OXR1: variants seen among roughly 807,000 people sequenced by gnomAD.
The protein encoded by OXR1 is oxidation resistance 1, also known as oxidation resistance protein 1.
OXR1 carries 41 observed loss-of-function variants against 104.6 expected under a neutral mutation model. The observed-to-expected ratio is 0.39, with a 90% CI of 0.31 to 0.51. The LOEUF is 0.51. Among genes scored for constraint, OXR1 ranks in the 20% least tolerant of loss-of-function variants. The pLI is 0.77. For missense variants in OXR1, 955 were observed against 1,031.9 expected (o/e 0.93, Z 1.02); for synonymous variants, 348 against 348.4 (o/e 1.00, Z 0.01).
chr8:106,427,327 C>T (rs1192948575), intron 2 of OXR1, among the ~76,000 whole-genome samples: 4 of 151,936 alleles, frequency 2.6e-5, no homozygotes, highest in Admixed American at 6.6e-5. Context: ...CCACCACGTC[C>T]GGCAAATTTT....
At chr8:106,536,092 C>T (rs1814500100) in intron 3 of OXR1, among the ~76,000 whole-genome samples, 2 of 151,700 alleles carry the variant, frequency 1.3e-5, no homozygotes, top group Admixed American at 6.6e-5. Context: ...TGGTGGCGGG[C>T]GCCTGTAGTC....
intron 1 of OXR1, among the ~76,000 whole-genome samples, chr8:106,356,070 T>C (rs1815955878): frequency 6.6e-6 from 1 of 152,196 alleles, no homozygotes; most frequent in Non-Finnish European, 1.5e-5. Flanking sequence ...CTAGAGGACA[T>C]TGAGTGAGGG....
chr8:106,396,298 C>A (rs1034495354), intron 2 of OXR1, among the ~76,000 whole-genome samples: 1 of 151,964 alleles, frequency 6.6e-6, no homozygotes, highest in African/African-American at 2.4e-5. Flanking sequence ...AGTAGAGAAA[C>A]CTGACACACA....
intron 2 of OXR1, among the ~76,000 whole-genome samples, chr8:106,502,730 T>C (rs910738633): frequency 8.5e-5 from 13 of 152,242 alleles, no homozygotes; most frequent in African/African-American, 3.1e-4. Context: ...CCATCTCATT[T>C]CAGCTCAATG....
chr8:106,718,305 A>G (rs1170599620), intron 11 of OXR1, among the ~76,000 whole-genome samples: 3 of 152,192 alleles, frequency 2.0e-5, no homozygotes, highest in Admixed American at 6.5e-5. Context: ...AAAAATTTTA[A>G]TTTCCAAATA....
At chr8:106,292,283 G>T (rs1812786807) in intron 1 of OXR1, among the ~76,000 whole-genome samples, 1 of 152,176 alleles carries the variant, frequency 6.6e-6, no homozygotes, top group South Asian at 2.1e-4. Flanking sequence ...AAGTGAAAAG[G>T]TGAAAGTTCT....
chr8:106,362,551 A>T (rs1359730210), intron 2 of OXR1, among the ~76,000 whole-genome samples: 1 of 152,180 alleles, frequency 6.6e-6, no homozygotes, highest in Non-Finnish European at 1.5e-5. Flanking sequence ...AAATCTAAGA[A>T]ATATATTTAA....
chr8:106,569,972 A>T (rs1817357566), intron 3 of OXR1, among the ~76,000 whole-genome samples: 1 of 152,192 alleles, frequency 6.6e-6, no homozygotes, highest in Non-Finnish European at 1.5e-5. Context: ...TAACCAGAAC[A>T]TACAGCATCT....
intron 2 of OXR1, among the ~76,000 whole-genome samples, chr8:106,446,844 A>T (rs539903825): frequency 6.6e-6 from 1 of 152,132 alleles, no homozygotes; most frequent in Non-Finnish European, 1.5e-5. Flanking sequence ...AAACAGGAAG[A>T]TCACTTGAGA....
intron 2 of OXR1, among the ~76,000 whole-genome samples, chr8:106,458,419 G>A (rs1249970797): frequency 3.3e-5 from 5 of 152,178 alleles, no homozygotes; most frequent in Non-Finnish European, 7.3e-5. Context: ...CTACAGACAT[G>A]CAGATTACAA....
At chr8:106,370,630 G>A (rs1364144023) in intron 2 of OXR1, among the ~76,000 whole-genome samples, 2 of 152,060 alleles carry the variant, frequency 1.3e-5, no homozygotes, top group Non-Finnish European at 2.9e-5. Context: ...TTTATCATAG[G>A]CATTTTCTAC....
chr8:106,381,610 C>T (rs1817152230), intron 2 of OXR1, among the ~76,000 whole-genome samples: 1 of 152,068 alleles, frequency 6.6e-6, no homozygotes, highest in Admixed American at 6.6e-5. Context: ...ACAGGTTATA[C>T]CTTTACTGTT....
chr8:106,579,100 T>G, intron 3 of OXR1, among the ~76,000 whole-genome samples: 1 of 151,920 alleles, frequency 6.6e-6, no homozygotes, highest in Admixed American at 6.6e-5. Context: ...CTTTTTTGCC[T>G]TTCTCTAGCT....
chr8:106,398,041 G>A (rs1209108125), intron 2 of OXR1, among the ~76,000 whole-genome samples: 1 of 151,936 alleles, frequency 6.6e-6, no homozygotes, highest in Non-Finnish European at 1.5e-5. Context: ...CCTTCACATG[G>A]CCTTCTCTGT....
At position 106,327,819 on chromosome 8, in the gene OXR1, A is replaced by C. The variant is rs190885404; in HGVS notation, c.-138-31657A>C. On this transcript the variant is annotated intron_variant, in intron 1 of 16. Transcript: ENST00000517566. The stretch of plus-strand genomic sequence containing the variant: ...TTCAAGTTAATCTATCGATAAGCAA[A>C]GTATAAATTTACTTCACCATATAAT... Among the ~76,000 whole-genome samples the C allele has an allele frequency of 2.0e-3, 309 of 152,366 alleles. 1 individual carries two copies. Among genetic ancestry groups the C allele is most frequent in the Non-Finnish European group, 3.1e-3 (211 of 68,038 alleles).
chr8:106,745,670 GTGT>G (rs1835332431), intron 15 of OXR1, 116 bp from the exon 16 acceptor site: 8 of 502,492 alleles, frequency 1.6e-5, no homozygotes, highest in Non-Finnish European at 2.8e-5. Flanking sequence ...GCTTTTTGTG[GTGT>G]TCTTATTCTT....
At chr8:106,341,185 A>G (rs970568631) in intron 1 of OXR1, among the ~76,000 whole-genome samples, 12 of 152,072 alleles carry the variant, frequency 7.9e-5, no homozygotes, top group African/African-American at 2.9e-4. Flanking sequence ...ACTTAATTTT[A>G]TATCTTGGGA....
chr8:106,646,590 G>C (rs1200514134), intron 3 of OXR1, among the ~76,000 whole-genome samples: 2 of 152,074 alleles, frequency 1.3e-5, no homozygotes, highest in Non-Finnish European at 2.9e-5. Context: ...AACATGAGAA[G>C]GTACAGCAAT....
At chr8:106,493,751 A>T (rs1586717956) in intron 2 of OXR1, among the ~76,000 whole-genome samples, 1 of 152,246 alleles carries the variant, frequency 6.6e-6, no homozygotes, top group South Asian at 2.1e-4. Flanking sequence ...TACATTCTAC[A>T]TTTATATTTA....
Sources: allele counts gnomAD v4.1 joint callset (sites outside exome capture counted in the v4.1 genomes callset), GRCh38; gene constraint gnomAD v4.1.1; transcripts MANE v1.5; gene names NCBI Gene and HGNC (gene_info 2026-07-23, HGNC 2026-07-21).